Variants in FUBP1 observed in about 807,000 individuals in gnomAD.
FUBP1 encodes the protein far upstream element binding protein 1.
FUBP1 carries 16 observed loss-of-function variants against 94.9 expected under a neutral mutation model. The observed-to-expected ratio is 0.17, with a 90% CI of 0.11 to 0.26. FUBP1 has a LOEUF of 0.26. FUBP1 is among the 10% of genes least tolerant of loss of function. FUBP1 has a pLI of 1.00. For synonymous variants in FUBP1, 279 were observed against 254.9 expected (o/e 1.09, Z -0.90); for missense variants, 583 against 808.6 (o/e 0.72, Z 3.38).
intron 16 of FUBP1, among the ~76,000 whole-genome samples, chr1:77,957,492 C>T (rs1654677954): frequency 6.6e-6 from 1 of 152,178 alleles, no homozygotes; most frequent in South Asian, 2.1e-4. Context: ...CACTCATCTC[C>T]CACATCAACT....
In FUBP1 at chr1:77,968,301, A is replaced by C. The variant is rs1366400930; in HGVS notation, c.212-98T>G. 5.6e-6 allele frequency: 4 copies of C among 708,508 alleles called. No individual in the cohort carries two copies. The African/African-American group carries it at 7.7e-5, about 14-fold the overall frequency. 43.9% of individuals were successfully genotyped at this position (708,508 alleles called of 1,614,324 possible). On this transcript the variant is annotated intron_variant, in intron 2 of 19. Transcript: ENST00000370768. ...TAACAATATAAACATTTATTGAAATATCTGAAGGTATGGTTTATCATTTGA... is the reference window on the plus strand; with the variant it reads ...TAACAATATAAACATTTATTGAAATCTCTGAAGGTATGGTTTATCATTTGA...
intron 1 of FUBP1, among the ~76,000 whole-genome samples, chr1:77,974,282 C>T (rs1319660959): frequency 6.6e-6 from 1 of 151,826 alleles, no homozygotes; most frequent in African/African-American, 2.4e-5. Context: ...ACTACAGGCG[C>T]CCACTACTCC....
chr1:77,977,520 C>T (rs1170019660), intron 1 of FUBP1, among the ~76,000 whole-genome samples: 1 of 151,996 alleles, frequency 6.6e-6, no homozygotes, highest in Non-Finnish European at 1.5e-5. Context: ...AGGGAGACTC[C>T]GTCTCAAACA....
chr1:77,971,205 A>G (rs1657471973), intron 1 of FUBP1, among the ~76,000 whole-genome samples: 1 of 152,322 alleles, frequency 6.6e-6, no homozygotes, highest in African/African-American at 2.4e-5. Flanking sequence ...AGTGGTCAGC[A>G]ATAGGCCAAG....
intron 18 of FUBP1, among the ~76,000 whole-genome samples, chr1:77,954,941 G>A (rs943019189): frequency 5.3e-5 from 8 of 152,010 alleles, no homozygotes; most frequent in African/African-American, 1.2e-4. Context: ...CACAATTTTC[G>A]CCTGACACAT....
chr1:77,976,992 T>C (rs1658722060), intron 1 of FUBP1, among the ~76,000 whole-genome samples: 1 of 152,172 alleles, frequency 6.6e-6, no homozygotes. Context: ...TCTCTTTCAT[T>C]TTATAATGTC....
In FUBP1 at chr1:77,956,617, C is replaced by CTGG. The variant is rs1312643684; in HGVS notation, c.1657_1659dup (p.Pro553dup). 49 of 1,612,310 alleles carry CTGG rather than the reference C, an allele frequency of 3.0e-5. No homozygotes were observed. Among genetic ancestry groups the CTGG allele is most frequent in the Non-Finnish European group, 3.8e-5 (45 of 1,178,574 alleles). On this transcript the variant is annotated inframe_insertion, in exon 17 of 20. Transcript: ENST00000370768. ...GTAGTTGGTGCACCTGCAGGGGCTGCTGGTGGTGGCTGTGCTTGCTGTTGA... is the reference window on the plus strand; with the variant it reads ...GTAGTTGGTGCACCTGCAGGGGCTGCTGGTGGTGGTGGCTGTGCTTGCTGTTGA...
chr1:77,968,303 C>T, intron 2 of FUBP1, 100 bp from the exon 3 acceptor site: 1 of 708,902 alleles, frequency 1.4e-6, no homozygotes, highest in Non-Finnish European at 2.3e-6. Context: ...ATTGAAATAT[C>T]TGAAGGTATG....
At chr1:77,956,775 C>T (rs1482975697) in intron 16 of FUBP1, 75 bp from the exon 17 acceptor site, 10 of 1,059,774 alleles carry the variant, frequency 9.4e-6, no homozygotes, top group East Asian at 2.6e-5. Context: ...ACCACCCCCC[C>T]GCCCAGCTCT....
intron 14 of FUBP1, 33 bp downstream of exon 14, chr1:77,962,737 A>C: frequency 1.4e-6 from 2 of 1,475,924 alleles, no homozygotes; most frequent in Non-Finnish European, 1.9e-6. Flanking sequence ...CTAAGGGTCT[A>C]CACTAAAAAT....
intron 19 of FUBP1, 175 bp downstream of exon 19, chr1:77,948,980 G>C (rs747649844): frequency 1.0e-5 from 9 of 903,468 alleles, no homozygotes; most frequent in African/African-American, 1.7e-5. Context: ...TCAGATGCTG[G>C]AAAGCATTAT....
Position 77,961,606 on chromosome 1 carries a change from G to A in FUBP1, c.1345-1111C>T, listed in dbSNP as rs1381510724. 2.6e-5 allele frequency among the ~76,000 whole-genome samples: 4 copies of A among 152,168 alleles called. No individual in the cohort carries two copies. The East Asian group carries it at 5.8e-4, about 22-fold the overall frequency. On this transcript the variant is annotated intron_variant, in intron 14 of 19. Coordinates refer to ENST00000370768, the MANE Select transcript of FUBP1 (RefSeq NM_003902.5). ...AGAAAAGCCTGAGTAACTTCTCCAAGGTCACAGAACCAGTAAATGATTCAC... is the reference window on the plus strand; with the variant it reads ...AGAAAAGCCTGAGTAACTTCTCCAAAGTCACAGAACCAGTAAATGATTCAC...
chr1:77,947,002 A>G lies in FUBP1; in HGVS notation c.*1764T>C, dbSNP rs771686818. ...TACCTCTTCCTTTAAAGTATATTCA[A>G]AACAACAAATGGTGCTCTCCACCAA... On this transcript the variant is annotated 3_prime_UTR_variant, in exon 20 of 20. Transcript: ENST00000370768. The G allele has an allele frequency of 4.8e-6, 1 of 208,814 alleles. No individual in the cohort carries two copies. Among genetic ancestry groups the G allele is most frequent in the Admixed American group, 5.8e-5 (1 of 17,114 alleles). 12.9% of individuals were successfully genotyped at this position (208,814 alleles called of 1,614,324 possible).
intron 19 of FUBP1, 187 bp from the exon 20 acceptor site, chr1:77,948,961 A>G: frequency 1.0e-6 from 1 of 954,094 alleles, no homozygotes; most frequent in Non-Finnish European, 1.7e-6. Context: ...TTGCAGAAAT[A>G]TTCACCACTC....
chr1:77,971,057 A>G (rs1657437151), intron 1 of FUBP1, among the ~76,000 whole-genome samples: 1 of 151,734 alleles, frequency 6.6e-6, no homozygotes, highest in African/African-American at 2.4e-5. Context: ...AAAAAAATAA[A>G]AAACAAAAAA....
intron 1 of FUBP1, among the ~76,000 whole-genome samples, chr1:77,976,440 C>T (rs150650246): frequency 6.6e-6 from 1 of 152,138 alleles, no homozygotes; most frequent in Admixed American, 6.5e-5. Context: ...AATTTGCCAA[C>T]AATTTCTATA....
chr1:77,956,447 A>G (rs1654472735), intron 17 of FUBP1, 125 bp downstream of exon 17: 1 of 577,360 alleles, frequency 1.7e-6, no homozygotes, highest in Non-Finnish European at 2.9e-6. Context: ...AATTTAAAAA[A>G]GGAAAAGTCT....
At chr1:77,963,811 C>T in intron 12 of FUBP1, 96 bp from the exon 13 acceptor site, 1 of 1,010,396 alleles carries the variant, frequency 9.9e-7, no homozygotes, top group African/African-American at 1.6e-5. Flanking sequence ...CTCTCATATA[C>T]CTGAATCAGA....
chr1:77,948,132 CA>C lies in FUBP1; in HGVS notation c.*633del. On this transcript the variant is annotated 3_prime_UTR_variant, in exon 20 of 20. Transcript: ENST00000370768. ...CACTGTTAATGCAATGGAAGTATGC[CA>C]AAAGATCATTGTACACACATGCAGT... 1 of 1,037,982 alleles carries C rather than the reference CA, an allele frequency of 9.6e-7. No homozygotes were observed. Among genetic ancestry groups the C allele is most frequent in the Non-Finnish European group, 1.2e-6 (1 of 861,848 alleles). The allele number at this position is 1,037,982 out of a possible 1,614,324, so 64.3% of individuals were successfully genotyped here. A position where few individuals can be genotyped will look rare whatever the true frequency, so the allele number is the denominator to read the frequency against.
Sources: allele counts gnomAD v4.1 joint callset (sites outside exome capture counted in the v4.1 genomes callset), GRCh38; gene constraint gnomAD v4.1.1; transcripts MANE v1.5; gene names NCBI Gene and HGNC (gene_info 2026-07-23, HGNC 2026-07-21).